METTL13: variants seen among roughly 807,000 people sequenced by gnomAD.
METTL13 encodes methyltransferase 13, eEF1A N-terminus and K55.
Under a neutral mutation model 67.4 loss-of-function variants are expected in METTL13, and 52 were observed. That is an observed-to-expected ratio of 0.77 (90% CI 0.62 to 0.97). The LOEUF is 0.97. Among genes scored for constraint, METTL13 ranks in the 50% least tolerant of loss-of-function variants. The pLI, the probability that METTL13 is intolerant of heterozygous loss-of-function variation, is 0.00. For synonymous variants in METTL13, 354 were observed against 353.6 expected, an observed-to-expected ratio of 1.00 and a Z score of -0.01; for missense variants, 825 against 889.6, an observed-to-expected ratio of 0.93 and a Z score of 0.92.
chr1:171,791,761 G>A lies in METTL13; in HGVS notation c.1475-256G>A, dbSNP rs551853760. Among the ~76,000 whole-genome samples the A allele has an allele frequency of 7.2e-5, 11 of 152,108 alleles. No homozygotes were observed. In the South Asian group the frequency reaches 1.2e-3, roughly 17 times the overall value. On this transcript the variant is annotated intron_variant, in intron 5 of 7. Coordinates refer to ENST00000361735, the MANE Select transcript of METTL13 (RefSeq NM_015935.5). Reference sequence around the variant, plus strand: ...TTACAGGTGTGAGCCACTGCCCCTGGCCACTTTGAGATCTTTAAGAGACAA... The same window carrying A: ...TTACAGGTGTGAGCCACTGCCCCTGACCACTTTGAGATCTTTAAGAGACAA...
In METTL13 at chr1:171,796,819, G is replaced by A; in HGVS notation, c.*63G>A. ...TTGGACTCCCAGCCTGCCAGAGAAT[G>A]AAGAAATACAACGCACAGTACTTTT... On this transcript the variant is annotated 3_prime_UTR_variant, in exon 8 of 8. Coordinates refer to ENST00000361735, the MANE Select transcript of METTL13 (RefSeq NM_015935.5). 3 of 1,571,024 alleles carry A rather than the reference G, an allele frequency of 1.9e-6. No individual in the cohort carries two copies. Among genetic ancestry groups the A allele is most frequent in the Non-Finnish European group, 2.6e-6 (3 of 1,157,908 alleles).
chr1:171,787,001 A>G (rs1657038379), intron 3 of METTL13, among the ~76,000 whole-genome samples: 1 of 152,082 alleles, frequency 6.6e-6, no homozygotes. Context: ...GGTTTTGCCC[A>G]CTAGGCTGAC....
At chr1:171,783,704 G>T in intron 1 of METTL13, 36 bp from the exon 2 acceptor site, 2 of 1,570,786 alleles carry the variant, frequency 1.3e-6, no homozygotes, top group South Asian at 1.2e-5. Flanking sequence ...CCTTTGCTTT[G>T]ATTACCTCCC....
intron 1 of METTL13, among the ~76,000 whole-genome samples, chr1:171,783,211 A>G (rs1408333774): frequency 6.6e-6 from 1 of 152,046 alleles, no homozygotes; most frequent in East Asian, 1.9e-4. Flanking sequence ...TGAATGGGAG[A>G]TTGCTCCCTG....
In METTL13 at chr1:171,792,079, G is replaced by A. The variant is rs746675028; in HGVS notation, c.1537G>A (p.Asp513Asn). 10 of 1,613,720 alleles carry A rather than the reference G, an allele frequency of 6.2e-6. No homozygotes were observed. Among genetic ancestry groups the A allele is most frequent in the South Asian group, 5.5e-5 (5 of 91,058 alleles). ...GGGCAGCCTCCCCCTCTTTGTCCAC[G>A]ATCATTTTCCAAAGTCCTGCATTGA... ...GGGSLPLFVHDHFPKSCIDAV... is the reference protein window; with the variant it reads ...GGGSLPLFVHNHFPKSCIDAV... The change falls in exon 6 of 8, where the codon GAT (aspartate) becomes AAT (asparagine). Residue 513 changes from aspartate to asparagine, a missense_variant. Asp to Asn is a conservative substitution (Grantham distance 23). Coordinates refer to ENST00000361735, the MANE Select transcript of METTL13 (RefSeq NM_015935.5).
intron 3 of METTL13, 26 bp from the exon 4 acceptor site, chr1:171,787,709 G>T: frequency 6.3e-7 from 1 of 1,599,524 alleles, no homozygotes; most frequent in South Asian, 1.1e-5. Flanking sequence ...CTGCTGTTTT[G>T]ACCACATCTC....
chr1:171,784,084 C>A lies in METTL13; in HGVS notation c.498C>A (p.Ile166=), dbSNP rs1270700325. 1 of 1,614,082 alleles carries A rather than the reference C, an allele frequency of 6.2e-7. No homozygotes were observed. Residue 166 remains isoleucine (I), a synonymous_variant, in exon 2 of 8, where the codon ATC becomes ATA. Transcript: ENST00000361735. ...YLCISLAQAH[I]LKKAVGHFSR... The stretch of plus-strand genomic sequence containing the variant: ...GCATCTCCCTGGCTCAGGCTCACAT[C>A]CTGAAGAAAGCAGTGGGCCACTTCT...
chr1:171,796,587 G>C lies in METTL13; in HGVS notation c.1931G>C (p.Gly644Ala). 6.2e-7 allele frequency: 1 copy of C among 1,614,210 alleles called. No homozygotes were observed. The highest frequency in any genetic ancestry group is 8.5e-7 in the Non-Finnish European group (1 of 1,180,040). Residue 644 changes from glycine to alanine, a missense_variant, in exon 8 of 8, where the codon GGT (glycine) becomes GCT (alanine). Physicochemically the swap from Gly to Ala is moderately conservative, Grantham distance 60. Transcript: ENST00000361735. The stretch of plus-strand genomic sequence containing the variant: ...CTCCTATATGTCCGGCGAATTGAGG[G>C]TGAAGTGAATGAGATCCTGTTCTGT... ...FPLLYVRRIE[G>A]EVNEILFCQL...
rs548395683 is a variant in METTL13, at chr1:171,781,903, G to T, written c.-65G>T. 1 of 1,589,562 alleles carries T rather than the reference G, an allele frequency of 6.3e-7. No homozygotes were observed. Among genetic ancestry groups the T allele is most frequent in the Non-Finnish European group, 8.6e-7 (1 of 1,166,816 alleles). On this transcript the variant is annotated 5_prime_UTR_variant, in exon 1 of 8. Transcript: ENST00000361735. Reference sequence around the variant, plus strand: ...CCCGGAGCCTGCGTGTGGTGGGCAAGCTCCTCAAATGGTATCTCACAGGGA... The same window carrying T: ...CCCGGAGCCTGCGTGTGGTGGGCAATCTCCTCAAATGGTATCTCACAGGGA...
chr1:171,794,305 C>T (rs982383279), intron 6 of METTL13, 91 bp from the exon 7 acceptor site: 20 of 1,564,402 alleles, frequency 1.3e-5, no homozygotes, highest in Non-Finnish European at 1.7e-5. Context: ...TCACCATGCC[C>T]ACCACTGGTA....
intron 5 of METTL13, among the ~76,000 whole-genome samples, chr1:171,791,762 C>G (rs1224138892): frequency 6.6e-6 from 1 of 152,160 alleles, no homozygotes; most frequent in African/African-American, 2.4e-5. Flanking sequence ...CTGCCCCTGG[C>G]CACTTTGAGA....
Position 171,781,732 on chromosome 1 carries a change from C to G in METTL13, c.-236C>G. On this transcript the variant is annotated 5_prime_UTR_variant, in exon 1 of 8. Coordinates refer to ENST00000361735, the MANE Select transcript of METTL13 (RefSeq NM_015935.5). ...AGGGGCTCTTCACGTGGGGAAGGAACAGCAGGCGCGGAGGAGGGGGCAAGC... is the reference window on the plus strand; with the variant it reads ...AGGGGCTCTTCACGTGGGGAAGGAAGAGCAGGCGCGGAGGAGGGGGCAAGC... The G allele has an allele frequency of 1.5e-6, 2 of 1,310,716 alleles. No individual in the cohort carries two copies. Among genetic ancestry groups the G allele is most frequent in the South Asian group, 1.7e-5 (1 of 57,342 alleles). 81.2% of individuals were successfully genotyped at this position (1,310,716 alleles called of 1,614,324 possible).
rs182371440 is a variant in METTL13, at chr1:171,792,371, G to C, written c.1693+136G>C. On this transcript the variant is annotated intron_variant, in intron 6 of 7. Transcript: ENST00000361735. ...CCAGTCTTCAGCCTGTTCATTTGTTGATATACTTATTCACTAGAGTACCAG... is the reference window on the plus strand; with the variant it reads ...CCAGTCTTCAGCCTGTTCATTTGTTCATATACTTATTCACTAGAGTACCAG... 198 of 961,390 alleles carry C rather than the reference G, an allele frequency of 2.1e-4. 1 individual carries two copies. The East Asian group carries it at 3.4e-3, about 17-fold the overall frequency. The allele number at this position is 961,390 out of a possible 1,614,324, so 59.6% of individuals were successfully genotyped here. A position where few individuals can be genotyped will look rare whatever the true frequency, so the allele number is the denominator to read the frequency against.
At chr1:171,794,267 C>T (rs567609155) in intron 6 of METTL13, 129 bp from the exon 7 acceptor site, 11 of 1,374,264 alleles carry the variant, frequency 8.0e-6, no homozygotes, top group African/African-American at 2.9e-5. Context: ...AGGCAAACCA[C>T]ATCCTCTGTG....
At chr1:171,794,247 G>A in intron 6 of METTL13, 149 bp from the exon 7 acceptor site, 2 of 1,134,410 alleles carry the variant, frequency 1.8e-6, no homozygotes, top group South Asian at 3.0e-5. Flanking sequence ...CATGACATCA[G>A]TGCCCTTACA....
intron 3 of METTL13, among the ~76,000 whole-genome samples, chr1:171,786,953 GA>G (rs34671476): frequency 6.6e-6 from 1 of 151,440 alleles, no homozygotes; most frequent in African/African-American, 2.4e-5. Context: ...TAACAGATCT[GA>G]AAAAAAAGAA....
chr1:171,782,705 C>T (rs536550070), intron 1 of METTL13, among the ~76,000 whole-genome samples: 3 of 152,306 alleles, frequency 2.0e-5, no homozygotes, highest in East Asian at 1.9e-4. Context: ...TCCTGTGCAA[C>T]CTGCAGCAGG....
chr1:171,793,258 G>T (rs966725044), intron 6 of METTL13, among the ~76,000 whole-genome samples: 1 of 152,224 alleles, frequency 6.6e-6, no homozygotes, highest in African/African-American at 2.4e-5. Context: ...TAACAGTTTC[G>T]TAGGTTCCCT....
chr1:171,782,661 C>T (rs1656868102), intron 1 of METTL13, among the ~76,000 whole-genome samples: 1 of 152,192 alleles, frequency 6.6e-6, no homozygotes, highest in African/African-American at 2.4e-5. Flanking sequence ...AGTGACTTCC[C>T]ATCTTGAAAG....
Sources: allele counts gnomAD v4.1 joint callset (sites outside exome capture counted in the v4.1 genomes callset), GRCh38; gene constraint gnomAD v4.1.1; transcripts MANE v1.5; gene names NCBI Gene and HGNC (gene_info 2026-07-23, HGNC 2026-07-21).